Variants in ESRRG observed in about 807,000 individuals in gnomAD.
ESRRG encodes the protein estrogen related receptor gamma.
Under a neutral mutation model 44.0 loss-of-function variants are expected in ESRRG, and 13 were observed. That is an observed-to-expected ratio of 0.30 (90% confidence interval 0.19 to 0.47). The LOEUF is 0.47. ESRRG is among the 20% of genes least tolerant of loss of function. The probability of loss-of-function intolerance (pLI) is 1.00; values close to 1 mark genes in which losing one functional copy is unlikely to be tolerated. For missense variants in ESRRG, 395 were observed against 580.6 expected (o/e 0.68, Z 3.29); for synonymous variants, 215 against 214.6 (o/e 1.00, Z -0.02).
chr1:216,585,922 C>T (rs1019770822), intron 3 of ESRRG, among the ~76,000 whole-genome samples: 3 of 152,088 alleles, frequency 2.0e-5, no homozygotes, highest in Non-Finnish European at 4.4e-5. Flanking sequence ...TGCCTGTAGT[C>T]TCAGCTACTC....
intron 2 of ESRRG, among the ~76,000 whole-genome samples, chr1:216,790,837 A>G (rs2094296874): frequency 6.6e-6 from 1 of 152,154 alleles, no homozygotes; most frequent in Non-Finnish European, 1.5e-5. Context: ...ACATTGTTGT[A>G]TAGAGGTGCA....
At chr1:216,907,566 G>A (rs764205853) in intron 2 of ESRRG, among the ~76,000 whole-genome samples, 7 of 152,088 alleles carry the variant, frequency 4.6e-5, no homozygotes, top group South Asian at 4.1e-4. Context: ...TATTGGCCTC[G>A]CTGAAGAGCC....
chr1:216,697,969 C>T (rs1288100382), intron 1 of ESRRG, among the ~76,000 whole-genome samples: 1 of 152,164 alleles, frequency 6.6e-6, no homozygotes, highest in Non-Finnish European at 1.5e-5. Flanking sequence ...ACGGTATGAA[C>T]ACTTCTCAGC....
intron 1 of ESRRG, among the ~76,000 whole-genome samples, chr1:216,709,593 C>T (rs2083181744): frequency 6.6e-6 from 1 of 151,840 alleles, no homozygotes; most frequent in African/African-American, 2.4e-5. Context: ...ACTCAAATGC[C>T]ATGATTCAAT....
At chr1:216,848,729 A>ACTGCC (rs2095798259) in intron 2 of ESRRG, among the ~76,000 whole-genome samples, 1 of 152,072 alleles carries the variant, frequency 6.6e-6, no homozygotes, top group Non-Finnish European at 1.5e-5. Flanking sequence ...TGAATAATTG[A>ACTGCC]CTGCACTTCG....
At chr1:216,607,070 G>T (rs1183973102) in intron 3 of ESRRG, among the ~76,000 whole-genome samples, 1 of 152,142 alleles carries the variant, frequency 6.6e-6, no homozygotes, top group Non-Finnish European at 1.5e-5. Context: ...ACCCATAATG[G>T]TTTTGTTGTC....
At chr1:216,631,577 C>T (rs1414926673) in intron 3 of ESRRG, among the ~76,000 whole-genome samples, 2 of 152,058 alleles carry the variant, frequency 1.3e-5, no homozygotes. Flanking sequence ...CCAATGTAGA[C>T]CAAATCTCAG....
At chr1:216,979,171 T>C (rs2073497334) in intron 1 of ESRRG, among the ~76,000 whole-genome samples, 1 of 151,594 alleles carries the variant, frequency 6.6e-6, no homozygotes, top group Non-Finnish European at 1.5e-5. Flanking sequence ...TCCCACCCCA[T>C]ATCACTGGCC....
chr1:216,972,237 T>G (rs1244574424), intron 1 of ESRRG, among the ~76,000 whole-genome samples: 1 of 152,114 alleles, frequency 6.6e-6, no homozygotes, highest in Non-Finnish European at 1.5e-5. Flanking sequence ...GATAGGTGAG[T>G]CAAGTGGTCA....
At chr1:216,848,552 T>C (rs966207503) in intron 2 of ESRRG, among the ~76,000 whole-genome samples, 1 of 152,138 alleles carries the variant, frequency 6.6e-6, no homozygotes, top group Non-Finnish European at 1.5e-5. Context: ...TTAACAAAAA[T>C]TAATAGCTAC....
intron 1 of ESRRG, among the ~76,000 whole-genome samples, chr1:217,079,384 T>A (rs902667569): frequency 6.6e-6 from 1 of 152,226 alleles, no homozygotes; most frequent in Non-Finnish European, 1.5e-5. Flanking sequence ...ATGTGTCAGG[T>A]AGCACGGGAG....
At chr1:216,587,340 T>C (rs1036141353) in intron 3 of ESRRG, among the ~76,000 whole-genome samples, 2 of 152,196 alleles carry the variant, frequency 1.3e-5, no homozygotes, top group Non-Finnish European at 1.5e-5. Flanking sequence ...AGCAATTTTA[T>C]AGTAATCTGA....
intron 3 of ESRRG, among the ~76,000 whole-genome samples, chr1:216,646,625 G>C (rs1193876320): frequency 6.6e-6 from 1 of 152,068 alleles, no homozygotes; most frequent in Non-Finnish European, 1.5e-5. Context: ...CTTACACTAG[G>C]CCACATGGTA....
At chr1:216,951,890 C>CATAT (rs59850514) in intron 1 of ESRRG, among the ~76,000 whole-genome samples, 41 of 149,438 alleles carry the variant, frequency 2.7e-4, no homozygotes, top group East Asian at 5.9e-4. Context: ...CATATGTTTG[C>CATAT]ATATATATAT....
At chr1:216,998,375 C>T (rs2076625822) in intron 1 of ESRRG, among the ~76,000 whole-genome samples, 1 of 152,164 alleles carries the variant, frequency 6.6e-6, no homozygotes, top group African/African-American at 2.4e-5. Context: ...TCTTTCTCTA[C>T]ACCTTTGCCA....
intron 1 of ESRRG, among the ~76,000 whole-genome samples, chr1:217,027,269 A>G (rs556141514): frequency 1.3e-4 from 20 of 152,300 alleles, no homozygotes; most frequent in African/African-American, 4.6e-4. Flanking sequence ...CTGAACCCAC[A>G]TTATAAATAG....
At chr1:217,019,829 GTTTA>G (rs1400252558) in intron 1 of ESRRG, among the ~76,000 whole-genome samples, 1 of 152,132 alleles carries the variant, frequency 6.6e-6, no homozygotes, top group Non-Finnish European at 1.5e-5. Context: ...GAAAGCTCTT[GTTTA>G]TTGAACAAAA....
chr1:217,119,239 A>G (rs1003979551), intron 1 of ESRRG, among the ~76,000 whole-genome samples: 1 of 152,170 alleles, frequency 6.6e-6, no homozygotes, highest in African/African-American at 2.4e-5. Context: ...CATCCCTAAC[A>G]CTTCACAGAC....
In ESRRG at chr1:216,505,380, C is replaced by T. The variant is rs11572835; in HGVS notation, c.*1559G>A. Reference sequence around the variant, plus strand: ...GGTAAAAACTGCAGATTAATTTAAACGAACATTCCTAAATGAATAAACTTA... The same window carrying T: ...GGTAAAAACTGCAGATTAATTTAAATGAACATTCCTAAATGAATAAACTTA... On this transcript the variant is annotated 3_prime_UTR_variant, in exon 7 of 7. Coordinates refer to ENST00000408911, the MANE Select transcript of ESRRG (RefSeq NM_001438.4). 0.067 allele frequency: 10,272 copies of T among 152,530 alleles called. 444 individuals carry two copies. The highest frequency in any genetic ancestry group is 0.11 in the Middle Eastern group (32 of 294). The allele number at this position is 152,530 out of a possible 1,614,324, so 9.4% of individuals were successfully genotyped here.
Sources: gnomAD v4.1 joint callset for allele counts (sites outside exome capture counted in the v4.1 genomes callset) on GRCh38, gnomAD v4.1.1 for gene constraint, MANE v1.5 for transcripts, NCBI Gene and HGNC (gene_info 2026-07-23, HGNC 2026-07-21) for gene names.